The following ARHGEF38 variants were observed in gnomAD, a reference collection of about 807,000 sequenced individuals.
ARHGEF38 encodes Rho guanine nucleotide exchange factor (GEF) 38.
In ARHGEF38, 79 loss-of-function variants were observed where a neutral mutation model predicts 79.9. The ratio of observed to expected loss-of-function variants is 0.99; its 90% confidence interval spans 0.82 to 1.19. The LOEUF is 1.19. Among genes scored for constraint, ARHGEF38 ranks in the 50% most tolerant of loss-of-function variants. The probability of loss-of-function intolerance (pLI) is 0.00; values close to 1 mark genes in which losing one functional copy is unlikely to be tolerated. For missense variants in ARHGEF38, 962 were observed against 907.2 expected (o/e 1.06, Z -0.78); for synonymous variants, 366 against 328.3 (o/e 1.11, Z -1.24).
intron 9 of ARHGEF38, among the ~76,000 whole-genome samples, chr4:105,656,903 C>A (rs1730349451): frequency 6.6e-6 from 1 of 152,004 alleles, no homozygotes; most frequent in African/African-American, 2.4e-5. Context: ...GCTTTTCTGG[C>A]ACTGGGGAAT....
At chr4:105,578,835 G>T (rs143261379) in intron 1 of ARHGEF38, among the ~76,000 whole-genome samples, 1 of 151,920 alleles carries the variant, frequency 6.6e-6, no homozygotes, top group Non-Finnish European at 1.5e-5. Flanking sequence ...TTGATATTTG[G>T]TTTGTGATTT....
At chr4:105,599,001 C>A (rs1399655393) in intron 2 of ARHGEF38, among the ~76,000 whole-genome samples, 2 of 152,182 alleles carry the variant, frequency 1.3e-5, no homozygotes, top group African/African-American at 4.8e-5. Flanking sequence ...ACTTCACTTA[C>A]TTTCCCATTT....
chr4:105,606,700 G>A (rs1728055576), intron 2 of ARHGEF38, among the ~76,000 whole-genome samples: 1 of 151,876 alleles, frequency 6.6e-6, no homozygotes, highest in Non-Finnish European at 1.5e-5. Context: ...GTTAAAAATG[G>A]TGCAATTGAG....
chr4:105,565,041 C>T (rs1026092378), intron 1 of ARHGEF38, among the ~76,000 whole-genome samples: 14 of 152,214 alleles, frequency 9.2e-5, no homozygotes, highest in African/African-American at 2.7e-4. Flanking sequence ...TGATCACTGT[C>T]GGAGCCTGTA....
rs1303510633 is a variant in ARHGEF38 at position 105,628,221 on chromosome 4, C to A, written c.509-2677C>A. Among the ~76,000 whole-genome samples the A allele has an allele frequency of 3.3e-5, 5 of 152,256 alleles. No homozygotes were observed. In the East Asian group the frequency reaches 9.6e-4, roughly 29 times the overall value. ...TTGTGGATTTGTGAGATTGTCCTTA[C>A]CTCTTTCCTTTTTTGGTCTCTGCTT... On this transcript the variant is annotated intron_variant, in intron 3 of 13. Coordinates refer to ENST00000420470, the MANE Select transcript of ARHGEF38 (RefSeq NM_001242729.2).
intron 6 of ARHGEF38, among the ~76,000 whole-genome samples, chr4:105,646,765 G>A (rs1729858925): frequency 6.7e-6 from 1 of 149,884 alleles, no homozygotes; most frequent in Non-Finnish European, 1.5e-5. Context: ...ACCACAAGAA[G>A]ATAAAAATTA....
Position 105,659,373 on chromosome 4 carries a change from C to T in ARHGEF38, c.1545+8C>T. ...TACTCCACACTTGTGCCGGTAAGCA[C>T]AGCACCAACACCTAGCTAGCTACCT... On this transcript the variant is annotated splice_region_variant and intron_variant, in intron 10 of 13. Coordinates refer to ENST00000420470, the MANE Select transcript of ARHGEF38 (RefSeq NM_001242729.2). The T allele has an allele frequency of 6.5e-7, 1 of 1,529,930 alleles. No homozygotes were observed. The highest frequency in any genetic ancestry group is 2.4e-5 in the East Asian group (1 of 40,856). The allele number at this position is 1,529,930 out of a possible 1,614,324, so 94.8% of individuals were successfully genotyped here. A position where few individuals can be genotyped will look rare whatever the true frequency, so the allele number is the denominator to read the frequency against.
At chr4:105,583,786 T>C (rs199330) in intron 1 of ARHGEF38, among the ~76,000 whole-genome samples, 94,588 of 152,060 alleles carry the variant, frequency 0.62, 31,812 homozygotes, top group East Asian at 0.92. Context: ...TATTTATTTG[T>C]TAAGCATTCA....
At chr4:105,622,741 G>A (rs1728788848) in intron 3 of ARHGEF38, among the ~76,000 whole-genome samples, 1 of 152,116 alleles carries the variant, frequency 6.6e-6, no homozygotes, top group Non-Finnish European at 1.5e-5. Context: ...CCATTTCCAG[G>A]CATCACTTCC....
At chr4:105,597,003 T>G (rs1727611286) in intron 2 of ARHGEF38, among the ~76,000 whole-genome samples, 1 of 152,212 alleles carries the variant, frequency 6.6e-6, no homozygotes, top group Non-Finnish European at 1.5e-5. Context: ...CTCAGTTCTA[T>G]CTGAATACTC....
intron 1 of ARHGEF38, among the ~76,000 whole-genome samples, chr4:105,577,902 A>AT (rs1301919590): frequency 1.3e-5 from 2 of 151,318 alleles, no homozygotes; most frequent in Non-Finnish European, 1.5e-5. Flanking sequence ...GATCTTTTGT[A>AT]TTTTTTTGTT....
intron 1 of ARHGEF38, among the ~76,000 whole-genome samples, chr4:105,560,262 A>C (rs954827789): frequency 6.6e-6 from 1 of 152,222 alleles, no homozygotes; most frequent in Non-Finnish European, 1.5e-5. Flanking sequence ...GAACAAAATT[A>C]CAAAGGTAGG....
chr4:105,556,650 A>G (rs1725264530), intron 1 of ARHGEF38, among the ~76,000 whole-genome samples: 1 of 152,078 alleles, frequency 6.6e-6, no homozygotes, highest in Non-Finnish European at 1.5e-5. Flanking sequence ...CCCCGCTCAT[A>G]CACCATGAAA....
At position 105,638,222 on chromosome 4, in the gene ARHGEF38, T is replaced by G. The variant is rs534894282; in HGVS notation, c.674+1802T>G. ...AATCAAAAATTATCCGTTTTTTAGG[T>G]TTTTTTTACAACCTACCTTCTTAAA... is the stretch of plus-strand genomic sequence containing the variant. On this transcript the variant is annotated intron_variant, in intron 5 of 13. Coordinates refer to ENST00000420470, the MANE Select transcript of ARHGEF38 (RefSeq NM_001242729.2). Among the ~76,000 whole-genome samples the G allele has an allele frequency of 4.4e-3, 663 of 152,144 alleles. 8 individuals carry two copies. Among genetic ancestry groups the G allele is most frequent in the African/African-American group, 0.015 (620 of 41,552 alleles).
intron 2 of ARHGEF38, among the ~76,000 whole-genome samples, chr4:105,612,235 G>C (rs1728326412): frequency 6.6e-6 from 1 of 152,068 alleles, no homozygotes; most frequent in Non-Finnish European, 1.5e-5. Flanking sequence ...ATGGAAAAAA[G>C]CTGTAGTTGT....
In ARHGEF38 at chr4:105,680,692, A is replaced by G. The variant is rs1482200213; in HGVS notation, c.*2755A>G. ...ATACGGTATATGTGTACTTATACAT[A>G]TGTACATAACCTAAATATACGTGTG... On this transcript the variant is annotated 3_prime_UTR_variant, in exon 14 of 14. Transcript: ENST00000420470. 2.6e-5 allele frequency: 4 copies of G among 152,288 alleles called. No individual in the cohort carries two copies. Among genetic ancestry groups the G allele is most frequent in the African/African-American group, 9.7e-5 (4 of 41,442 alleles). The allele number at this position is 152,288 out of a possible 1,614,324, so 9.4% of individuals were successfully genotyped here. A position where few individuals can be genotyped will look rare whatever the true frequency, so the allele number is the denominator to read the frequency against.
rs1560684572 is a variant in ARHGEF38, at chr4:105,561,469, A to AGAATAGAATG, written c.196+8517_196+8518insGGAATAGAAT. On this transcript the variant is annotated intron_variant, in intron 1 of 13. Transcript: ENST00000420470. ...AGAATGGAATAGAATAGAATAGAAT[A>AGAATAGAATG]GAATAGAATAGAATAGAATAGAATA... 364 of 49,538 alleles carry AGAATAGAATG rather than the reference A, an allele frequency of 7.3e-3. 11 individuals are homozygous for AGAATAGAATG. Among genetic ancestry groups the AGAATAGAATG allele is most frequent in the Non-Finnish European group, 0.011 (266 of 24,460 alleles). 3.1% of individuals were successfully genotyped at this position (49,538 alleles called of 1,614,324 possible).
intron 7 of ARHGEF38, among the ~76,000 whole-genome samples, chr4:105,650,197 GTATTAATCGTA>G (rs1730042031): frequency 1.3e-5 from 2 of 152,154 alleles, no homozygotes; most frequent in Non-Finnish European, 2.9e-5. Context: ...CATACATGGT[GTATTAATCGTA>G]TTTTTTACTT....
At position 105,677,922 on chromosome 4, in the gene ARHGEF38, G is replaced by T; in HGVS notation, c.2319G>T (p.Lys773Asn). 1 of 1,521,112 alleles carries T rather than the reference G, an allele frequency of 6.6e-7. No individual in the cohort carries two copies. Among genetic ancestry groups the T allele is most frequent in the Non-Finnish European group, 8.8e-7 (1 of 1,137,216 alleles). 94.2% of individuals were successfully genotyped at this position (1,521,112 alleles called of 1,614,324 possible). A position where few individuals can be genotyped will look rare whatever the true frequency, so the allele number is the denominator to read the frequency against. ...KGYVPANYLG[K>N]MTYA ...ACGTGCCAGCTAACTACCTTGGAAAGATGACTTATGCTTAAGAAAATAAGC... is the reference window on the plus strand; with the variant it reads ...ACGTGCCAGCTAACTACCTTGGAAATATGACTTATGCTTAAGAAAATAAGC... Residue 773 changes from lysine to asparagine, a missense_variant, in exon 14 of 14, where the codon AAG (lysine) becomes AAT (asparagine). Transcript: ENST00000420470.
Sources: allele counts gnomAD v4.1 joint callset (sites outside exome capture counted in the v4.1 genomes callset), GRCh38; gene constraint gnomAD v4.1.1; transcripts MANE v1.5; gene names NCBI Gene and HGNC (gene_info 2026-07-23, HGNC 2026-07-21).